Variants in CADM2 observed in about 807,000 individuals in gnomAD.
CADM2 encodes cell adhesion molecule 2.
CADM2 carries 12 observed loss-of-function variants against 49.8 expected under a neutral mutation model. The ratio of observed to expected loss-of-function variants is 0.24; its 90% CI spans 0.15 to 0.39. The LOEUF is 0.39. Among genes scored for constraint, CADM2 ranks in the 10% least tolerant of loss-of-function variants. The pLI, the probability that CADM2 is intolerant of heterozygous loss-of-function variation, is 1.00. For synonymous variants in CADM2, 214 were observed against 175.4 expected (o/e 1.22, Z -1.74); for missense variants, 378 against 492.3 (o/e 0.77, Z 2.20).
intron 3 of CADM2, among the ~76,000 whole-genome samples, chr3:85,843,761 G>A (rs2074745388): frequency 6.6e-6 from 1 of 152,008 alleles, no homozygotes; most frequent in Non-Finnish European, 1.5e-5. Context: ...TAATGCTCCA[G>A]GTAAACAACA....
At chr3:85,646,299 A>G (rs1275285684) in intron 1 of CADM2, among the ~76,000 whole-genome samples, 1 of 151,964 alleles carries the variant, frequency 6.6e-6, no homozygotes, top group Non-Finnish European at 1.5e-5. Flanking sequence ...TTCCACAATA[A>G]ATTTTTATGT....
chr3:85,113,822 A>G (rs937782124), intron 1 of CADM2, among the ~76,000 whole-genome samples: 29 of 151,944 alleles, frequency 1.9e-4, no homozygotes, highest in Non-Finnish European at 8.8e-5. Flanking sequence ...TTTATAACTT[A>G]TGATAGTATA....
chr3:85,534,184 T>A (rs1334979219), intron 1 of CADM2, among the ~76,000 whole-genome samples: 3 of 152,196 alleles, frequency 2.0e-5, no homozygotes, highest in Non-Finnish European at 4.4e-5. Flanking sequence ...CTGATATCTT[T>A]ACAGCAATTC....
At chr3:85,601,169 TATATACAC>T (rs2063391245) in intron 1 of CADM2, among the ~76,000 whole-genome samples, 1 of 75,924 alleles carries the variant, frequency 1.3e-5, no homozygotes, top group African/African-American at 4.8e-5. Flanking sequence ...TATATATATA[TATATACAC>T]ACACACACAC....
chr3:86,041,788 C>G (rs1735979162), intron 8 of CADM2, among the ~76,000 whole-genome samples: 1 of 152,180 alleles, frequency 6.6e-6, no homozygotes, highest in Non-Finnish European at 1.5e-5. Context: ...TTCTTTTCAG[C>G]ACCACACCAC....
intron 1 of CADM2, among the ~76,000 whole-genome samples, chr3:85,591,474 G>T (rs950637209): frequency 6.6e-6 from 1 of 151,960 alleles, no homozygotes; most frequent in Non-Finnish European, 1.5e-5. Flanking sequence ...GATTTATGGT[G>T]ACTAGGATTT....
chr3:85,509,882 C>T (rs2040532736), intron 1 of CADM2, among the ~76,000 whole-genome samples: 1 of 151,876 alleles, frequency 6.6e-6, no homozygotes, highest in Admixed American at 6.6e-5. Context: ...TAGTATTTAG[C>T]TTATTATAAA....
intron 1 of CADM2, among the ~76,000 whole-genome samples, chr3:85,214,194 T>G (rs9882148): frequency 0.23 from 34,506 of 151,840 alleles, 6,569 homozygotes; most frequent in African/African-American, 0.53. Context: ...GACCTGTATT[T>G]GTTCCACCTT....
chr3:85,283,015 A>T (rs1204114829), intron 1 of CADM2, among the ~76,000 whole-genome samples: 1 of 152,122 alleles, frequency 6.6e-6, no homozygotes, highest in African/African-American at 2.4e-5. Context: ...TAACCCATAC[A>T]TATGTACAAA....
intron 1 of CADM2, among the ~76,000 whole-genome samples, chr3:85,456,448 G>A (rs1366779152): frequency 2.0e-5 from 3 of 152,118 alleles, no homozygotes; most frequent in African/African-American, 7.2e-5. Context: ...GATTTGTGTA[G>A]ATAATTAGAT....
chr3:85,093,043 A>G (rs2037657152), intron 1 of CADM2, among the ~76,000 whole-genome samples: 1 of 152,092 alleles, frequency 6.6e-6, no homozygotes, highest in Non-Finnish European at 1.5e-5. Flanking sequence ...TTTCCCTAAC[A>G]TCTACTTACT....
At chr3:85,576,203 T>A (rs1559921235) in intron 1 of CADM2, among the ~76,000 whole-genome samples, 1 of 152,338 alleles carries the variant, frequency 6.6e-6, no homozygotes, top group African/African-American at 2.4e-5. Flanking sequence ...AATAAAAAGT[T>A]ATTTTCTTAG....
chr3:85,611,148 C>A (rs2063672646), intron 1 of CADM2, among the ~76,000 whole-genome samples: 1 of 151,714 alleles, frequency 6.6e-6, no homozygotes, highest in African/African-American at 2.4e-5. Context: ...GTCTCATGCA[C>A]AATGCTTTTC....
chr3:85,664,558 C>G (rs2065506798), intron 1 of CADM2, among the ~76,000 whole-genome samples: 1 of 151,944 alleles, frequency 6.6e-6, no homozygotes, highest in African/African-American at 2.4e-5. Context: ...TCACTACTTT[C>G]CCATGCAACT....
At chr3:85,342,501 C>T (rs1454782756) in intron 1 of CADM2, among the ~76,000 whole-genome samples, 2 of 151,770 alleles carry the variant, frequency 1.3e-5, no homozygotes, top group South Asian at 2.1e-4. Flanking sequence ...ACAATGAAGA[C>T]AGAATTAGAA....
chr3:85,160,474 G>T (rs2040287140), intron 1 of CADM2, among the ~76,000 whole-genome samples: 1 of 152,044 alleles, frequency 6.6e-6, no homozygotes, highest in African/African-American at 2.4e-5. Context: ...CCAAACACAT[G>T]CCTTCATTCA....
chr3:85,897,698 T>C (rs760393400), intron 5 of CADM2, among the ~76,000 whole-genome samples: 20 of 152,226 alleles, frequency 1.3e-4, no homozygotes, highest in Non-Finnish European at 2.6e-4. Flanking sequence ...GTAGATTATA[T>C]TTTTATTTAT....
chr3:85,122,504 C>T (rs372376604), intron 1 of CADM2, among the ~76,000 whole-genome samples: 1 of 152,114 alleles, frequency 6.6e-6, no homozygotes, highest in Non-Finnish European at 1.5e-5. Flanking sequence ...ACAGTTCTCT[C>T]TCAAATCCAT....
rs112152787 is a variant in CADM2, at chr3:85,068,489, G to A, written c.61+108821G>A. The stretch of plus-strand genomic sequence containing the variant: ...TGAAGTTTAAACTGGAAAAAACAAA[G>A]TTGGGACTTAGAACATTGAGGAAAT... On this transcript the variant is annotated intron_variant, in intron 1 of 9. Transcript: ENST00000383699. Among the ~76,000 whole-genome samples the A allele has an allele frequency of 7.4e-3, 1,128 of 152,190 alleles. 14 individuals carry two copies. Among genetic ancestry groups the A allele is most frequent in the African/African-American group, 0.025 (1,023 of 41,548 alleles).
Sources: allele counts gnomAD v4.1 joint callset (sites outside exome capture counted in the v4.1 genomes callset), GRCh38; gene constraint gnomAD v4.1.1; transcripts MANE v1.5; gene names NCBI Gene and HGNC (gene_info 2026-07-23, HGNC 2026-07-21).